KLC1: variants seen among roughly 807,000 people sequenced by gnomAD.
KLC1 encodes the protein kinesin 2 60/70kDa.
A neutral mutation model predicts 84.2 loss-of-function variants in KLC1; 30 were observed. The ratio of observed to expected loss-of-function variants is 0.36; its 90% confidence interval spans 0.27 to 0.48. The LOEUF is 0.48. KLC1 is among the 20% of genes least tolerant of loss of function. KLC1 has a pLI of 0.99. For synonymous variants in KLC1, 289 were observed against 293.3 expected (o/e 0.99, Z 0.15); for missense variants, 499 against 805.4 (o/e 0.62, Z 4.60).
At chr14:103,700,610 C>A (rs776003091) in intron 15 of KLC1, 45 bp from the exon 16 acceptor site, 4 of 1,526,510 alleles carry the variant, frequency 2.6e-6, no homozygotes, top group Non-Finnish European at 3.6e-6. Context: ...CGCCTGAGGG[C>A]CGCCTGCACG....
chr14:103,643,820 C>G (rs574876697), intron 1 of KLC1, among the ~76,000 whole-genome samples: 3 of 152,002 alleles, frequency 2.0e-5, no homozygotes, highest in Admixed American at 6.6e-5. Flanking sequence ...CCCAGCTACT[C>G]GGGAGGCTGA....
intron 1 of KLC1, among the ~76,000 whole-genome samples, chr14:103,630,531 G>A (rs1419982054): frequency 1.3e-5 from 2 of 152,090 alleles, no homozygotes; most frequent in Admixed American, 6.6e-5. Flanking sequence ...AAATCCCAAG[G>A]CCTTTTTTTT....
In KLC1 at chr14:103,670,298, G is replaced by A; in HGVS notation, c.987+15G>A. ...TCCGAGAAAAGGTACAAAAGAAGGG[G>A]GCAGTCGTTTTCTTTGAGATTTTTG... is the stretch of plus-strand genomic sequence containing the variant. On this transcript the variant is annotated intron_variant, in intron 7 of 16. Coordinates refer to ENST00000334553, the MANE Select transcript of KLC1 (RefSeq NM_001394837.1). 2 of 1,576,802 alleles carry A rather than the reference G, an allele frequency of 1.3e-6. No individual in the cohort carries two copies. Among genetic ancestry groups the A allele is most frequent in the Non-Finnish European group, 1.7e-6 (2 of 1,154,408 alleles).
At chr14:103,696,729 A>C (rs2082555895) in intron 15 of KLC1, 15 of 985,494 alleles carry the variant, frequency 1.5e-5, no homozygotes, top group Non-Finnish European at 1.8e-5. Context: ...TCTGTGGGGA[A>C]GAACTTAAGC....
intron 12 of KLC1, among the ~76,000 whole-genome samples, chr14:103,678,440 G>T (rs75765402): frequency 0.018 from 2,761 of 152,096 alleles, 74 homozygotes; most frequent in African/African-American, 0.059. Context: ...ATTCCTGCAC[G>T]TTGGGAGGCT....
In KLC1 at chr14:103,693,087, G is replaced by A. The variant is rs571545314; in HGVS notation, c.1848+662G>A. 1.3e-5 allele frequency among the ~76,000 whole-genome samples: 2 copies of A among 152,338 alleles called. No individual in the cohort carries two copies. The highest frequency in any genetic ancestry group is 2.1e-4 in the South Asian group (1 of 4,828). On this transcript the variant is annotated intron_variant, in intron 15 of 16. Transcript: ENST00000334553. The surrounding 1 kb of genome is among the most constrained non-coding windows in gnomAD (Gnocchi z 5.1). Reference sequence around the variant, plus strand: ...GTGCCTGGGGCCCACCCGGCAGCTCGAGCTGTTGGGACTTGGCAGTCCCTG... The same window carrying A: ...GTGCCTGGGGCCCACCCGGCAGCTCAAGCTGTTGGGACTTGGCAGTCCCTG...
chr14:103,639,280 G>A (rs1480939560), intron 1 of KLC1, among the ~76,000 whole-genome samples: 5 of 152,072 alleles, frequency 3.3e-5, no homozygotes. Context: ...ACAGGCATGT[G>A]CCACCACGCC....
intron 3 of KLC1, among the ~76,000 whole-genome samples, chr14:103,659,919 T>C (rs140197711): frequency 1.3e-5 from 2 of 152,146 alleles, no homozygotes; most frequent in African/African-American, 2.4e-5. Flanking sequence ...TGTGTTCTCA[T>C]ATGGTACAGA....
chr14:103,681,785 A>C (rs1290945467), intron 13 of KLC1, among the ~76,000 whole-genome samples: 1 of 152,234 alleles, frequency 6.6e-6, no homozygotes, highest in Non-Finnish European at 1.5e-5. Context: ...CAGTATGCAC[A>C]TAGGTATTAA....
chr14:103,678,818 G>A (rs1304947345), intron 12 of KLC1, among the ~76,000 whole-genome samples: 1 of 152,178 alleles, frequency 6.6e-6, no homozygotes, highest in Non-Finnish European at 1.5e-5. Context: ...AATGAGCAAA[G>A]GACCTGAATA....
rs2082261917 is a variant in KLC1, at chr14:103,693,836, C to T, written c.1848+1411C>T. 9.4e-6 allele frequency: 13 copies of T among 1,380,928 alleles called. No individual in the cohort carries two copies. In the South Asian group the frequency reaches 1.5e-4, roughly 16 times the overall value. The allele number at this position is 1,380,928 out of a possible 1,614,324, so 85.5% of individuals were successfully genotyped here. A position where few individuals can be genotyped will look rare whatever the true frequency, so the allele number is the denominator to read the frequency against. On this transcript the variant is annotated intron_variant, in intron 15 of 16. Coordinates refer to ENST00000334553, the MANE Select transcript of KLC1 (RefSeq NM_001394837.1). The surrounding 1 kb of genome is among the most constrained non-coding windows in gnomAD (Gnocchi z 5.1). Reference sequence around the variant, plus strand: ...GCAGCCCCAGTGCCAGGAGCCACCCCGACCGCGACCCGGCCAGGCTGGCTC... The same window carrying T: ...GCAGCCCCAGTGCCAGGAGCCACCCTGACCGCGACCCGGCCAGGCTGGCTC...
At chr14:103,637,464 A>G (rs2077133419) in intron 1 of KLC1, among the ~76,000 whole-genome samples, 2 of 151,632 alleles carry the variant, frequency 1.3e-5, no homozygotes, top group South Asian at 2.1e-4. Context: ...CGGGAGGCAG[A>G]GGTTGCAGTG....
At position 103,692,431 on chromosome 14, in the gene KLC1, G is replaced by A. The variant is rs1281773123; in HGVS notation, c.1848+6G>A. On this transcript the variant is annotated splice_donor_region_variant and intron_variant, in intron 15 of 16. Transcript: ENST00000334553. Reference sequence around the variant, plus strand: ...CTGCTGAAGATCGCTTTCAAGTAAGGAGCCTACCCCGAATTGTGTCCTAGG... The same window carrying A: ...CTGCTGAAGATCGCTTTCAAGTAAGAAGCCTACCCCGAATTGTGTCCTAGG... The A allele has an allele frequency of 1.3e-6, 2 of 1,536,486 alleles. No homozygotes were observed. The highest frequency in any genetic ancestry group is 2.0e-5 in the Admixed American group (1 of 51,004).
chr14:103,672,981 A>G, intron 7 of KLC1, 33 bp from the exon 8 acceptor site: 2 of 1,599,638 alleles, frequency 1.3e-6, no homozygotes, highest in Non-Finnish European at 1.7e-6. Flanking sequence ...GAAGCAGAAC[A>G]AGTGTCTCTA....
rs762177393 is a variant in KLC1 at position 103,698,793 on chromosome 14, C to T, written c.1849-1862C>T. The T allele has an allele frequency of 6.9e-6, 11 of 1,589,614 alleles. No homozygotes were observed. In the South Asian group the frequency reaches 1.1e-4, roughly 16 times the overall value. Reference sequence around the variant, plus strand: ...AGGCAGGGCTGTTGTGCAGCCGCCACCGTGTCAGTGGGACTGGGTCCCAGG... The same window carrying T: ...AGGCAGGGCTGTTGTGCAGCCGCCATCGTGTCAGTGGGACTGGGTCCCAGG... On this transcript the variant is annotated intron_variant, in intron 15 of 16. Coordinates refer to ENST00000334553, the MANE Select transcript of KLC1 (RefSeq NM_001394837.1).
chr14:103,675,498 T>G lies in KLC1; in HGVS notation c.1262-54T>G, dbSNP rs889119630. 3.3e-6 allele frequency: 5 copies of G among 1,498,506 alleles called. No individual in the cohort carries two copies. The African/African-American group carries it at 7.0e-5, about 21-fold the overall frequency. The allele number at this position is 1,498,506 out of a possible 1,614,324, so 92.8% of individuals were successfully genotyped here. On this transcript the variant is annotated intron_variant, in intron 9 of 16. Coordinates refer to ENST00000334553, the MANE Select transcript of KLC1 (RefSeq NM_001394837.1). ...AAATTCCCCTTAGAGCAGTTCAGAT[T>G]TTGGAGTTTTGGATTAAGGATGCTC...
chr14:103,696,916 A>C (rs529108955), intron 15 of KLC1: 1 of 985,270 alleles, frequency 1.0e-6, no homozygotes, highest in African/African-American at 1.7e-5. Flanking sequence ...GCCCGTCTGC[A>C]GACTCCTGTG....
chr14:103,657,084 C>T (rs533507091), intron 2 of KLC1, among the ~76,000 whole-genome samples: 27 of 152,166 alleles, frequency 1.8e-4, no homozygotes, highest in Non-Finnish European at 2.5e-4. Context: ...CACCTTGGAA[C>T]ATCAAGGAAG....
At chr14:103,664,911 G>A (rs2079626109) in intron 5 of KLC1, among the ~76,000 whole-genome samples, 1 of 144,946 alleles carries the variant, frequency 6.9e-6, no homozygotes, top group Non-Finnish European at 1.5e-5. Flanking sequence ...ATATAAATGA[G>A]TTAAGTAAGC....
Sources: gnomAD v4.1 joint callset for allele counts (sites outside exome capture counted in the v4.1 genomes callset) on GRCh38, gnomAD v4.1.1 for gene constraint, Gnocchi (gnomAD v3.1) non-coding constraint, MANE v1.5 for transcripts, NCBI Gene and HGNC (gene_info 2026-07-23, HGNC 2026-07-21) for gene names.